The following DNAH6 variants were observed in gnomAD, a reference collection of about 807,000 sequenced individuals.
DNAH6 encodes dynein axonemal heavy chain 6, also known as axonemal beta dynein heavy chain 6.
In DNAH6, 340 loss-of-function variants were observed where a neutral mutation model predicts 491.4. The ratio of observed to expected loss-of-function variants is 0.69; its 90% CI spans 0.63 to 0.76. The LOEUF (loss-of-function observed/expected upper bound fraction) is 0.76, where lower values mean the gene tolerates loss of function less well. Among genes scored for constraint, DNAH6 ranks in the 30% least tolerant of loss-of-function variants. The pLI is 0.00. For missense variants in DNAH6, 4,443 were observed against 4,972.2 expected, an observed-to-expected ratio of 0.89 and a Z score of 3.20; for synonymous variants, 1,603 against 1,686.1, an observed-to-expected ratio of 0.95 and a Z score of 1.21.
At chr2:84,754,944 C>T (rs1290805883) in intron 63 of DNAH6, among the ~76,000 whole-genome samples, 1 of 152,168 alleles carries the variant, frequency 6.6e-6, no homozygotes, top group East Asian at 1.9e-4. Flanking sequence ...TTATTTGGAT[C>T]TTCTTTAACT....
the DNAH6 span, among the ~76,000 whole-genome samples, chr2:84,470,562 A>G: frequency 6.6e-6 from 1 of 152,166 alleles, no homozygotes; most frequent in African/African-American, 2.4e-5. Flanking sequence ...TATAGCAGTG[A>G]GGACAACCAG....
the DNAH6 span, among the ~76,000 whole-genome samples, chr2:84,488,253 C>T: frequency 6.6e-6 from 1 of 152,078 alleles, no homozygotes; most frequent in South Asian, 2.1e-4. Flanking sequence ...CAAATTTATT[C>T]TCTTACTGTT....
Position 84,658,350 on chromosome 2 carries a change from G to A in DNAH6, c.5816G>A (p.Gly1939Asp). Residue 1939 changes from glycine to aspartate, a missense_variant, in exon 36 of 77, where the codon GGT (glycine) becomes GAT (aspartate). Physicochemically the swap from Gly to Asp is moderately conservative, Grantham distance 94. Coordinates refer to ENST00000389394, the MANE Select transcript of DNAH6 (RefSeq NM_001370.2). Reference sequence around the variant, plus strand: ...CTTTTCCAACGTTATGTTGATGAAGGTTTACATTTTATCAATAAAAAGTGC... The same window carrying A: ...CTTTTCCAACGTTATGTTGATGAAGATTTACATTTTATCAATAAAAAGTGC... ...LNLFQRYVDE[G>D]LHFINKKCSQ... 6.5e-7 allele frequency: 1 copy of A among 1,547,724 alleles called. No homozygotes were observed. Among genetic ancestry groups the A allele is most frequent in the Non-Finnish European group, 8.7e-7 (1 of 1,145,016 alleles).
chr2:84,642,752 TCTATC>T (rs1689541957), intron 33 of DNAH6, among the ~76,000 whole-genome samples: 1 of 152,136 alleles, frequency 6.6e-6, no homozygotes, highest in South Asian at 2.1e-4. Flanking sequence ...ATTTCTCCCT[TCTATC>T]CTAATTCCTC....
intron 18 of DNAH6, among the ~76,000 whole-genome samples, chr2:84,602,230 C>T (rs1685315691): frequency 6.6e-6 from 1 of 151,924 alleles, no homozygotes; most frequent in Non-Finnish European, 1.5e-5. Context: ...GTTCATTCAG[C>T]CTAAAGAATA....
At chr2:84,680,323 A>G (rs1693661278) in intron 41 of DNAH6, among the ~76,000 whole-genome samples, 1 of 152,204 alleles carries the variant, frequency 6.6e-6, no homozygotes, top group African/African-American at 2.4e-5. Flanking sequence ...ATAAGAATTT[A>G]TCTATTTAAA....
intron 70 of DNAH6, among the ~76,000 whole-genome samples, chr2:84,803,431 G>A (rs575342139): frequency 2.0e-5 from 3 of 152,110 alleles, no homozygotes; most frequent in Non-Finnish European, 4.4e-5. Context: ...AAATGTGCAC[G>A]TGTACCCTCT....
intron 13 of DNAH6, among the ~76,000 whole-genome samples, chr2:84,578,460 G>A (rs1682693985): frequency 6.6e-6 from 1 of 152,098 alleles, no homozygotes; most frequent in African/African-American, 2.4e-5. Flanking sequence ...AAAGTCCAGA[G>A]ATTGGGTCGA....
chr2:84,620,568 G>C (rs10204614), intron 24 of DNAH6, among the ~76,000 whole-genome samples: 29,313 of 152,096 alleles, frequency 0.19, 5,501 homozygotes, highest in African/African-American at 0.49. Context: ...TTCACACACA[G>C]GAACTGTGTA....
At chr2:84,689,472 A>G (rs1388430267) in intron 45 of DNAH6, among the ~76,000 whole-genome samples, 1 of 152,142 alleles carries the variant, frequency 6.6e-6, no homozygotes, top group Non-Finnish European at 1.5e-5. Flanking sequence ...CCGCCTCCAT[A>G]TAGTCTCTCC....
At chr2:84,717,809 C>T (rs1349594949) in intron 58 of DNAH6, among the ~76,000 whole-genome samples, 1 of 152,112 alleles carries the variant, frequency 6.6e-6, no homozygotes, top group African/African-American at 2.4e-5. Flanking sequence ...CAGAATCTGC[C>T]ATGTTGGTAC....
chr2:84,631,149 A>T (rs1409722898), intron 29 of DNAH6, among the ~76,000 whole-genome samples: 2 of 152,198 alleles, frequency 1.3e-5, no homozygotes, highest in African/African-American at 2.4e-5. Flanking sequence ...GTTGAACACA[A>T]ACAATTTCAC....
intron 45 of DNAH6, among the ~76,000 whole-genome samples, chr2:84,689,087 C>T (rs916018004): frequency 6.6e-6 from 1 of 152,228 alleles, no homozygotes; most frequent in Non-Finnish European, 1.5e-5. Context: ...TTGGGGCACA[C>T]TTCCTGAAGT....
chr2:84,704,383 C>A (rs1696233270), intron 51 of DNAH6, 81 bp downstream of exon 51: 2 of 1,042,096 alleles, frequency 1.9e-6, no homozygotes, highest in African/African-American at 1.6e-5. Context: ...TGTATATATT[C>A]ATTCCCTTCT....
At chr2:84,513,292 C>T (rs560809943), upstream of DNAH6, among the ~76,000 whole-genome samples, 2 of 152,118 alleles carry the variant, frequency 1.3e-5, no homozygotes, top group Middle Eastern at 3.4e-3. Context: ...CTCGGGAAAT[C>T]AGATTCTCCT....
chr2:84,762,758 G>T lies in DNAH6; in HGVS notation c.10516G>T (p.Val3506Phe), dbSNP rs889149079. 2 of 1,541,618 alleles carry T rather than the reference G, an allele frequency of 1.3e-6. No homozygotes were observed. The highest frequency in any genetic ancestry group is 2.4e-5 in the South Asian group (2 of 82,166). Reference sequence around the variant, plus strand: ...TTTTTTTCTTTTCAACTTTCAGGTGGTTTTTGCTCTTACAGACTTTGTGAT... The same window carrying T: ...TTTTTTTCTTTTCAACTTTCAGGTGTTTTTTGCTCTTACAGACTTTGTGAT... ...LIKCCKEEKV[V>F]FALTDFVIEN... The change falls in exon 64 of 77, where the codon GTT (valine) becomes TTT (phenylalanine). Residue 3506 changes from valine to phenylalanine, a missense_variant. By Grantham distance (50) the Val-to-Phe change is conservative (BLOSUM62 -1). Transcript: ENST00000389394.
chr2:84,503,785 T>G, the DNAH6 span, among the ~76,000 whole-genome samples: 1 of 151,970 alleles, frequency 6.6e-6, no homozygotes, highest in East Asian at 1.9e-4. Context: ...TGAAGCTCCA[T>G]TGTATGTTAT....
chr2:84,668,136 T>C (rs906917311), intron 37 of DNAH6, among the ~76,000 whole-genome samples: 4 of 152,146 alleles, frequency 2.6e-5, no homozygotes, highest in Non-Finnish European at 5.9e-5. Context: ...AAATACCTAA[T>C]GTAAGTGATG....
intron 46 of DNAH6, among the ~76,000 whole-genome samples, chr2:84,695,528 G>A (rs1695297975): frequency 6.6e-6 from 1 of 152,054 alleles, no homozygotes; most frequent in Admixed American, 6.5e-5. Context: ...AATATCTATT[G>A]TAATGTTTTT....
Sources: gnomAD v4.1 joint callset for allele counts (sites outside exome capture counted in the v4.1 genomes callset) on GRCh38, gnomAD v4.1.1 for gene constraint, MANE v1.5 for transcripts, NCBI Gene and HGNC (gene_info 2026-07-23, HGNC 2026-07-21) for gene names.